IRAG1: variants seen among roughly 807,000 people sequenced by gnomAD.
IRAG1 encodes the protein IP3R-associated cGMP kinase substrate.
A neutral mutation model predicts 106.2 loss-of-function variants in IRAG1; 62 were observed. The ratio of observed to expected loss-of-function variants is 0.58; its 90% CI spans 0.48 to 0.72. The LOEUF is 0.72. Among genes scored for constraint, IRAG1 ranks in the 30% least tolerant of loss-of-function variants. The pLI, the probability that IRAG1 is intolerant of heterozygous loss-of-function variation, is 0.00. For missense variants in IRAG1, 1,064 were observed against 1,140.7 expected (o/e 0.93, Z 0.97); for synonymous variants, 462 against 443.9 (o/e 1.04, Z -0.51).
rs1856551255 is a variant in IRAG1 at position 10,629,824 on chromosome 11, C to T, written c.401-113G>A. 4.4e-6 allele frequency: 5 copies of T among 1,144,348 alleles called. No individual in the cohort carries two copies. The South Asian group carries it at 4.7e-5, about 11-fold the overall frequency. The allele number at this position is 1,144,348 out of a possible 1,614,324, so 70.9% of individuals were successfully genotyped here. On this transcript the variant is annotated intron_variant, in intron 4 of 20. Transcript: ENST00000423302. ...CTCTGCCCACAGCTGACCCAGCCAG[C>T]CAAACCTCAGCCCAGTGCCATCAAG...
Position 10,687,876 on chromosome 11 carries a change from T to TGGG in IRAG1, c.67+5657_67+5659dup, listed in dbSNP as rs397812916. Reference sequence around the variant, plus strand: ...TAAGGGATTTAGCTTTGCTTTTTTTTGGGGGGGGGTGGTATTTAACTTTGT... The same window carrying TGGG: ...TAAGGGATTTAGCTTTGCTTTTTTTTGGGGGGGGGGGGTGGTATTTAACTTTGT... On this transcript the variant is annotated intron_variant, in intron 1 of 20. Coordinates refer to ENST00000423302, the MANE Select transcript of IRAG1 (RefSeq NM_130385.4). 7.1e-5 allele frequency: 68 copies of TGGG among 964,218 alleles called. No homozygotes were observed. In the African/African-American group the frequency reaches 1.1e-3, roughly 16 times the overall value. 59.7% of individuals were successfully genotyped at this position (964,218 alleles called of 1,614,324 possible).
intron 1 of IRAG1, among the ~76,000 whole-genome samples, chr11:10,678,222 T>C (rs1860865355): frequency 6.6e-6 from 1 of 152,236 alleles, no homozygotes; most frequent in Non-Finnish European, 1.5e-5. Context: ...ATGGAAATTT[T>C]ACATTTACTG....
chr11:10,650,930 G>T (rs565076488), intron 2 of IRAG1, among the ~76,000 whole-genome samples: 1 of 152,184 alleles, frequency 6.6e-6, no homozygotes, highest in Admixed American at 6.5e-5. Context: ...TCCCAGAGTC[G>T]TAATGTGTCA....
intron 2 of IRAG1, among the ~76,000 whole-genome samples, chr11:10,646,849 G>T (rs534904335): frequency 6.6e-6 from 1 of 152,116 alleles, no homozygotes; most frequent in Admixed American, 6.5e-5. Context: ...AGGAGTTAAT[G>T]TGCCCTTCCC....
At chr11:10,621,897 A>G (rs1312507052) in intron 10 of IRAG1, among the ~76,000 whole-genome samples, 3 of 152,192 alleles carry the variant, frequency 2.0e-5, no homozygotes, top group African/African-American at 7.2e-5. Flanking sequence ...GGGATCTAGA[A>G]GAGTCAAATA....
intron 1 of IRAG1, among the ~76,000 whole-genome samples, chr11:10,671,814 A>G (rs985628329): frequency 2.6e-5 from 4 of 152,236 alleles, no homozygotes; most frequent in Non-Finnish European, 5.9e-5. Context: ...TATGAAATAT[A>G]TTTGAAAGAA....
chr11:10,687,867 G>GT, intron 1 of IRAG1: 5 of 1,133,392 alleles, frequency 4.4e-6, no homozygotes, highest in Non-Finnish European at 3.4e-6. Context: ...ATTTAGCTTT[G>GT]CTTTTTTTTG....
At chr11:10,602,871 C>T (rs1339604077) in intron 14 of IRAG1, among the ~76,000 whole-genome samples, 1 of 152,102 alleles carries the variant, frequency 6.6e-6, no homozygotes, top group Admixed American at 6.5e-5. Context: ...TAGAAATTTC[C>T]AAGAAAGAAA....
rs189401675 is a variant in IRAG1 at position 10,669,505 on chromosome 11, A to G, written c.68-17323T>C. ...TCCTCCCCAGCAAATACAGCGACTC[A>G]TTTCTACTGCCTTTTCTTGAGGCTT... On this transcript the variant is annotated intron_variant, in intron 1 of 20. Coordinates refer to ENST00000423302, the MANE Select transcript of IRAG1 (RefSeq NM_130385.4). 4.0e-3 allele frequency among the ~76,000 whole-genome samples: 603 copies of G among 152,278 alleles called. 6 individuals carry two copies. The highest frequency in any genetic ancestry group is 5.8e-3 in the Non-Finnish European group (396 of 68,022).
At position 10,674,047 on chromosome 11, in the gene IRAG1, A is replaced by C. The variant is rs1390574; in HGVS notation, c.67+19489T>G. On this transcript the variant is annotated intron_variant, in intron 1 of 20. Coordinates refer to ENST00000423302, the MANE Select transcript of IRAG1 (RefSeq NM_130385.4). ...GACAGACTCACTGGGATGAATGTGCAGATTACTCATCTGTTCTTCCATTTA... is the reference window on the plus strand; with the variant it reads ...GACAGACTCACTGGGATGAATGTGCCGATTACTCATCTGTTCTTCCATTTA... 4.3e-3 allele frequency among the ~76,000 whole-genome samples: 654 copies of C among 152,350 alleles called. 5 individuals are homozygous for C. Among genetic ancestry groups the C allele is most frequent in the African/African-American group, 0.015 (613 of 41,584 alleles).
At chr11:10,663,164 A>C (rs1186820252) in intron 1 of IRAG1, among the ~76,000 whole-genome samples, 6 of 152,208 alleles carry the variant, frequency 3.9e-5, no homozygotes, top group African/African-American at 1.4e-4. Context: ...GATTCTTTAG[A>C]AACTTTGTTC....
At chr11:10,584,662 C>A (rs184005332) in intron 18 of IRAG1, among the ~76,000 whole-genome samples, 1 of 147,570 alleles carries the variant, frequency 6.8e-6, no homozygotes, top group Non-Finnish European at 1.5e-5. Context: ...GTTAAGCATG[C>A]GTGAAGGAGG....
rs1453374051 is a variant in IRAG1 at position 10,609,852 on chromosome 11, C to A, written c.1448-1G>T. 6.2e-7 allele frequency: 1 copy of A among 1,607,920 alleles called. No individual in the cohort carries two copies. Among genetic ancestry groups the A allele is most frequent in the Non-Finnish European group, 8.5e-7 (1 of 1,177,942 alleles). On this transcript the variant is annotated splice_acceptor_variant, in intron 10 of 20. Coordinates refer to ENST00000423302, the MANE Select transcript of IRAG1 (RefSeq NM_130385.4). LOFTEE classifies it high-confidence loss of function. ...GCTGGGGAGAGTTCAGAAGGAAGCC[C>A]TGAAAAAAAAGTGCTTACTTATAAA...
intron 5 of IRAG1, 60 bp downstream of exon 5, chr11:10,629,477 GC>G: frequency 6.4e-7 from 1 of 1,551,502 alleles, no homozygotes; most frequent in Non-Finnish European, 8.7e-7. Context: ...CTGGTGCCAG[GC>G]CCTTCCCTCC....
intron 14 of IRAG1, among the ~76,000 whole-genome samples, chr11:10,601,930 G>A (rs909594418): frequency 5.3e-5 from 8 of 152,240 alleles, no homozygotes; most frequent in Admixed American, 4.6e-4. Context: ...CAGGTGGGCT[G>A]AGGCACAAGT....
chr11:10,609,650 T>A (rs1029890809), intron 11 of IRAG1, 78 bp downstream of exon 11: 8 of 1,505,328 alleles, frequency 5.3e-6, no homozygotes, highest in African/African-American at 1.4e-5. Context: ...AAGACTGGTG[T>A]TCCTCTGTGT....
At chr11:10,684,272 C>T (rs1861488236) in intron 1 of IRAG1, among the ~76,000 whole-genome samples, 1 of 152,142 alleles carries the variant, frequency 6.6e-6, no homozygotes, top group Non-Finnish European at 1.5e-5. Context: ...GAATACTATG[C>T]AGCCTTAAAA....
At chr11:10,684,604 T>TAAC (rs59454664) in intron 1 of IRAG1, among the ~76,000 whole-genome samples, 9,772 of 60,626 alleles carry the variant, frequency 0.16, 372 homozygotes, top group East Asian at 0.26. Context: ...ACTTAAAGTA[T>TAAC]AATAATAATA....
chr11:10,631,429 C>G (rs576897182), intron 4 of IRAG1, among the ~76,000 whole-genome samples: 2 of 152,358 alleles, frequency 1.3e-5, no homozygotes, highest in Admixed American at 1.3e-4. Context: ...AACTTCCTCT[C>G]CTCAGAGAGA....
Sources: allele counts gnomAD v4.1 joint callset (sites outside exome capture counted in the v4.1 genomes callset), GRCh38; gene constraint gnomAD v4.1.1; transcripts MANE v1.5; gene names NCBI Gene and HGNC (gene_info 2026-07-23, HGNC 2026-07-21).